TGFBR3: variants seen among roughly 807,000 people sequenced by gnomAD.
TGFBR3 encodes transforming growth factor beta receptor type 3.
TGFBR3 carries 46 observed loss-of-function variants against 87.9 expected under a neutral mutation model. The observed-to-expected ratio is 0.52, with a 90% confidence interval of 0.41 to 0.67. TGFBR3 has a LOEUF of 0.67. Among genes scored for constraint, TGFBR3 ranks in the 30% least tolerant of loss-of-function variants. The probability of loss-of-function intolerance (pLI) is 0.00; values close to 1 mark genes in which losing one functional copy is unlikely to be tolerated. For missense variants in TGFBR3, 866 were observed against 1,041.9 expected (o/e 0.83, Z 2.32); for synonymous variants, 381 against 391.6 (o/e 0.97, Z 0.32).
chr1:91,708,745 G>A lies in TGFBR3; in HGVS notation c.2205C>T (p.Ala735=). ...PPDEACTSLD[A]SIIWAMMQNK... is the part of the protein sequence containing the mutation. ...TCTGCATCATGGCCCAGATTATCGA[G>A]GCGTCCAGCGAGGTGCAGGCTTCGT... Residue 735 remains alanine (A), a synonymous_variant, in exon 14 of 17, where the codon GCC becomes GCT. Transcript: ENST00000212355. 4 of 1,614,052 alleles carry A rather than the reference G, an allele frequency of 2.5e-6. No individual in the cohort carries two copies. In the Admixed American group the frequency reaches 5.0e-5, roughly 20 times the overall value.
At chr1:91,855,901 TTC>T (rs201538963) in intron 2 of TGFBR3, among the ~76,000 whole-genome samples, 1 of 151,830 alleles carries the variant, frequency 6.6e-6, no homozygotes, top group African/African-American at 2.4e-5. Context: ...CTTGTATTTA[TTC>T]TCTCTCTTTT....
At chr1:91,698,738 G>A (rs987725583) in intron 14 of TGFBR3, among the ~76,000 whole-genome samples, 6 of 152,016 alleles carry the variant, frequency 3.9e-5, no homozygotes, top group Non-Finnish European at 7.4e-5. Context: ...ATGGGCTCAA[G>A]CAATCCATCC....
chr1:91,694,447 C>T (rs570864454), intron 16 of TGFBR3, among the ~76,000 whole-genome samples: 80 of 152,318 alleles, frequency 5.3e-4, no homozygotes, highest in Admixed American at 2.1e-3. Context: ...CTCCTTCTGG[C>T]GTAATCTAAA....
At chr1:91,758,546 T>C in intron 4 of TGFBR3, 67 bp downstream of exon 4, 1 of 1,589,108 alleles carries the variant, frequency 6.3e-7, no homozygotes, top group Non-Finnish European at 8.6e-7. Flanking sequence ...ATGAAAAGTT[T>C]GGCAAAGTTT....
intron 12 of TGFBR3, 61 bp from the exon 13 acceptor site, chr1:91,712,603 A>T: frequency 1.3e-6 from 2 of 1,545,576 alleles, no homozygotes; most frequent in Non-Finnish European, 1.8e-6. Context: ...CACTTTAGGC[A>T]CAAGGACCAT....
At chr1:91,891,022 T>G (rs1392871763), upstream of TGFBR3, among the ~76,000 whole-genome samples, 2 of 151,748 alleles carry the variant, frequency 1.3e-5, no homozygotes, top group East Asian at 3.9e-4. Context: ...CTCCACCTCC[T>G]AAGTAGCTGG....
intron 14 of TGFBR3, among the ~76,000 whole-genome samples, chr1:91,706,286 A>G (rs1671797224): frequency 6.6e-6 from 1 of 152,214 alleles, no homozygotes. Context: ...AGAAGGTCAC[A>G]AGATACAGGT....
intron 14 of TGFBR3, 84 bp from the exon 15 acceptor site, chr1:91,698,214 A>C (rs1270798784): frequency 4.4e-6 from 5 of 1,147,776 alleles, no homozygotes; most frequent in Non-Finnish European, 5.3e-6. Flanking sequence ...GCAGAAACTG[A>C]CACTTTTCCA....
chr1:91,903,986 CAACACAGTGA>C (rs1205311414), intron 1 of TGFBR3, among the ~76,000 whole-genome samples: 1 of 151,970 alleles, frequency 6.6e-6, no homozygotes. Flanking sequence ...CCAGCCTGGG[CAACACAGTGA>C]AACCCTATCT....
At chr1:91,880,740 G>A (rs17880594) in intron 1 of TGFBR3, among the ~76,000 whole-genome samples, 2,749 of 152,014 alleles carry the variant, frequency 0.018, 87 homozygotes, top group African/African-American at 0.062. Flanking sequence ...ACAGCCAGGA[G>A]CAGTGGCTCA....
intron 2 of TGFBR3, among the ~76,000 whole-genome samples, chr1:91,898,499 C>T (rs1345225508): frequency 6.6e-6 from 1 of 152,058 alleles, no homozygotes; most frequent in Non-Finnish European, 1.5e-5. Context: ...TGCAGTGGCG[C>T]GATCTCGGCT....
upstream of TGFBR3, among the ~76,000 whole-genome samples, chr1:91,889,337 T>C (rs1259946063): frequency 6.6e-6 from 1 of 152,078 alleles, no homozygotes; most frequent in Non-Finnish European, 1.5e-5. Flanking sequence ...CTGTCCACGA[T>C]TCAATCTCAC....
rs1365664015 is a variant in TGFBR3 at position 91,681,156 on chromosome 1, A to G, written c.*2583T>C. 1 of 454,014 alleles carries G rather than the reference A, an allele frequency of 2.2e-6. No homozygotes were observed. Among genetic ancestry groups the G allele is most frequent in the South Asian group, 1.6e-5 (1 of 64,474 alleles). 28.1% of individuals were successfully genotyped at this position (454,014 alleles called of 1,614,324 possible). On this transcript the variant is annotated 3_prime_UTR_variant, in exon 17 of 17. Transcript: ENST00000212355. The stretch of plus-strand genomic sequence containing the variant: ...TTTAAAGAAACTTGTAGTACACGTT[A>G]TAAAAGTAGAGCTTGTACTTTGTAT...
At chr1:91,821,985 A>G (rs921331778) in intron 2 of TGFBR3, among the ~76,000 whole-genome samples, 1 of 152,216 alleles carries the variant, frequency 6.6e-6, no homozygotes, top group Non-Finnish European at 1.5e-5. Flanking sequence ...CAGCTCTAAT[A>G]GTCTATGAAC....
intron 2 of TGFBR3, among the ~76,000 whole-genome samples, chr1:91,859,114 G>C (rs1678078779): frequency 6.6e-6 from 1 of 151,722 alleles, no homozygotes; most frequent in Non-Finnish European, 1.5e-5. Context: ...GCAAAGCCTT[G>C]AGTGTGTATT....
intron 4 of TGFBR3, among the ~76,000 whole-genome samples, chr1:91,749,591 A>T (rs1673465836): frequency 1.3e-5 from 2 of 152,192 alleles, no homozygotes; most frequent in African/African-American, 4.8e-5. Context: ...TGCAAGAACC[A>T]ATTTGCCTCA....
At chr1:91,830,512 G>A (rs1158987857) in intron 2 of TGFBR3, among the ~76,000 whole-genome samples, 11 of 152,078 alleles carry the variant, frequency 7.2e-5, no homozygotes, top group Admixed American at 5.9e-4. Flanking sequence ...AAATAACAGA[G>A]GTCACCCAGA....
At chr1:91,869,669 A>G (rs1328886342) in intron 1 of TGFBR3, among the ~76,000 whole-genome samples, 1 of 152,228 alleles carries the variant, frequency 6.6e-6, no homozygotes, top group Non-Finnish European at 1.5e-5. Flanking sequence ...GTCTCAAACA[A>G]AAGAAAAAAG....
intron 2 of TGFBR3, among the ~76,000 whole-genome samples, chr1:91,856,980 C>T (rs1282868191): frequency 6.6e-6 from 1 of 152,182 alleles, no homozygotes; most frequent in Non-Finnish European, 1.5e-5. Context: ...ATTAACCAAA[C>T]TGAGTCTCAA....
Sources: allele counts gnomAD v4.1 joint callset (sites outside exome capture counted in the v4.1 genomes callset), GRCh38; gene constraint gnomAD v4.1.1; transcripts MANE v1.5; gene names NCBI Gene and HGNC (gene_info 2026-07-23, HGNC 2026-07-21).